Variants in TMEM170A observed in about 807,000 individuals in gnomAD.
TMEM170A encodes transmembrane protein 170.
A neutral mutation model predicts 12.8 loss-of-function variants in TMEM170A; 18 were observed. That is an observed-to-expected ratio of 1.41 (90% CI 0.97 to 2.09). The LOEUF (loss-of-function observed/expected upper bound fraction) is 2.09, where lower values mean the gene tolerates loss of function less well. Ranked by LOEUF, TMEM170A falls within the 30% of genes most tolerant of loss-of-function variation. TMEM170A has a pLI of 0.00. For synonymous variants in TMEM170A, 107 were observed against 76.2 expected (o/e 1.40, Z -2.11); for missense variants, 220 against 179.9 (o/e 1.22, Z -1.28).
chr16:75,451,252 T>C (rs1349835803), intron 2 of TMEM170A, among the ~76,000 whole-genome samples: 2 of 151,020 alleles, frequency 1.3e-5, no homozygotes, highest in Admixed American at 1.3e-4. Context: ...AAAAAATCAA[T>C]ACATTAAAAA....
At chr16:75,447,771 C>T (rs2079613741) in intron 2 of TMEM170A, 83 bp from the exon 3 acceptor site, 23 of 1,411,656 alleles carry the variant, frequency 1.6e-5, no homozygotes, top group Non-Finnish European at 2.2e-5. Context: ...TAAAATACTA[C>T]TGCGAGTAGA....
intron 1 of TMEM170A, among the ~76,000 whole-genome samples, chr16:75,463,217 T>C (rs1328463461): frequency 6.6e-6 from 1 of 152,186 alleles, no homozygotes; most frequent in Non-Finnish European, 1.5e-5. Context: ...GAAACAAAGA[T>C]TAATCTGGTC....
At chr16:75,451,942 CT>C (rs2079694861) in intron 1 of TMEM170A, 103 bp from the exon 2 acceptor site, 1 of 1,079,106 alleles carries the variant, frequency 9.3e-7, no homozygotes, top group Admixed American at 3.0e-5. Flanking sequence ...AACACCGTTT[CT>C]TTTTTCCTTT....
rs2079603086 is a variant in TMEM170A, at chr16:75,447,281, G to T, written c.*277C>A. The T allele has an allele frequency of 1.3e-5, 3 of 230,952 alleles. No individual in the cohort carries two copies. The highest frequency in any genetic ancestry group is 2.5e-5 in the Non-Finnish European group (3 of 120,616). 14.3% of individuals were successfully genotyped at this position (230,952 alleles called of 1,614,324 possible). On this transcript the variant is annotated 3_prime_UTR_variant, in exon 3 of 3. Coordinates refer to ENST00000561878, the MANE Select transcript of TMEM170A (RefSeq NM_145254.3). The stretch of plus-strand genomic sequence containing the variant: ...GCCACCCCAGAGACACTGTTGACTT[G>T]GCTTGGGTAAAGGTACACATGAAAA...
intron 1 of TMEM170A, among the ~76,000 whole-genome samples, chr16:75,459,559 A>G (rs1032951582): frequency 1.1e-4 from 17 of 151,740 alleles, no homozygotes; most frequent in Admixed American, 1.1e-3. Context: ...GGGGATTAAC[A>G]CTCTTATGTA....
intron 1 of TMEM170A, among the ~76,000 whole-genome samples, chr16:75,452,304 C>T (rs10871312): frequency 0.55 from 83,943 of 151,362 alleles, 23,583 homozygotes; most frequent in Admixed American, 0.65. Context: ...GGTCTCACTC[C>T]GTCACCCAGG....
chr16:75,457,211 G>C (rs766139311), intron 1 of TMEM170A, among the ~76,000 whole-genome samples: 2 of 152,142 alleles, frequency 1.3e-5, no homozygotes, highest in Non-Finnish European at 2.9e-5. Flanking sequence ...GGCACTGCTG[G>C]AGCCTGGCTT....
rs1434308940 is a variant in TMEM170A, at chr16:75,446,154, A to G, written c.*1404T>C. The G allele has an allele frequency of 6.6e-6, 1 of 150,514 alleles. No homozygotes were observed. The highest frequency in any genetic ancestry group is 2.5e-5 in the African/African-American group (1 of 40,788). The allele number at this position is 150,514 out of a possible 1,614,324, so 9.3% of individuals were successfully genotyped here. ...TGCACCACTGCACTCCAGCCTGGGCAACACAGTGAGGCTCCGTCTCATTTA... is the reference window on the plus strand; with the variant it reads ...TGCACCACTGCACTCCAGCCTGGGCGACACAGTGAGGCTCCGTCTCATTTA... On this transcript the variant is annotated 3_prime_UTR_variant, in exon 3 of 3. Transcript: ENST00000561878.
Position 75,464,614 on chromosome 16 carries a change from AC to A in TMEM170A, c.-15del. The A allele has an allele frequency of 6.3e-7, 1 of 1,576,964 alleles. No individual in the cohort carries two copies. The highest frequency in any genetic ancestry group is 1.8e-5 in the Admixed American group (1 of 54,534). On this transcript the variant is annotated 5_prime_UTR_variant, in exon 1 of 3. Coordinates refer to ENST00000561878, the MANE Select transcript of TMEM170A (RefSeq NM_145254.3). ...CTCGCGCTCCATCCCGTCGCCATTC[AC>A]CACAGAGAAATGAGGGACGAGCGCC...
chr16:75,451,797 A>G lies in TMEM170A; in HGVS notation c.176T>C (p.Leu59Pro). ...TAATCCAGCAGGGACATGAAAGAAG[A>G]GAGAAGACACCAGTGCCCACAGGAA... ...GVFLWALVSSLFFHVPAGLLA... is the reference protein window; with the variant it reads ...GVFLWALVSSPFFHVPAGLLA... The change falls in exon 2 of 3, where the codon CTC becomes CCC. Residue 59 changes from leucine to proline, a missense_variant. Transcript: ENST00000561878. The G allele has an allele frequency of 6.2e-7, 1 of 1,614,100 alleles. No homozygotes were observed. The highest frequency in any genetic ancestry group is 8.5e-7 in the Non-Finnish European group (1 of 1,180,020).
chr16:75,459,279 C>T (rs1358605760), intron 1 of TMEM170A, among the ~76,000 whole-genome samples: 3 of 152,180 alleles, frequency 2.0e-5, no homozygotes, highest in Non-Finnish European at 2.9e-5. Flanking sequence ...CTAGTGGATT[C>T]TGTATTAACA....
intron 1 of TMEM170A, among the ~76,000 whole-genome samples, chr16:75,456,197 T>C (rs774369506): frequency 1.3e-5 from 2 of 152,060 alleles, no homozygotes; most frequent in South Asian, 4.2e-4. Flanking sequence ...GAGCATATTC[T>C]GAACACTTCC....
At chr16:75,453,185 A>G (rs754121676) in intron 1 of TMEM170A, among the ~76,000 whole-genome samples, 1 of 152,176 alleles carries the variant, frequency 6.6e-6, no homozygotes, top group Non-Finnish European at 1.5e-5. Context: ...TGTAATCCCA[A>G]CACTTCAGGT....
At chr16:75,448,932 G>T (rs377499084) in intron 2 of TMEM170A, among the ~76,000 whole-genome samples, 1 of 152,052 alleles carries the variant, frequency 6.6e-6, no homozygotes, top group East Asian at 1.9e-4. Context: ...TGTAGTGAAC[G>T]TGCCTGTAAT....
chr16:75,447,112 A>T lies in TMEM170A; in HGVS notation c.*446T>A, dbSNP rs2151624797. The T allele has an allele frequency of 6.6e-6, 1 of 152,530 alleles. No homozygotes were observed. The highest frequency in any genetic ancestry group is 2.4e-5 in the African/African-American group (1 of 41,608). 9.4% of individuals were successfully genotyped at this position (152,530 alleles called of 1,614,324 possible). The stretch of plus-strand genomic sequence containing the variant: ...TTATTGTCACTAAGATGTAGCAAAG[A>T]AAAGAGTTTGCCAAATTTTAATCAA... On this transcript the variant is annotated 3_prime_UTR_variant, in exon 3 of 3. Coordinates refer to ENST00000561878, the MANE Select transcript of TMEM170A (RefSeq NM_145254.3).
chr16:75,449,882 C>T (rs759436919), intron 2 of TMEM170A, among the ~76,000 whole-genome samples: 16 of 151,576 alleles, frequency 1.1e-4, no homozygotes, highest in Non-Finnish European at 2.1e-4. Flanking sequence ...GATAATGAAG[C>T]GAAGAAAGGA....
intron 2 of TMEM170A, 128 bp downstream of exon 2, chr16:75,451,541 C>T: frequency 1.0e-6 from 1 of 962,184 alleles, no homozygotes; most frequent in Non-Finnish European, 1.6e-6. Flanking sequence ...CATAGGGAGA[C>T]CCTGTCTGGA....
At chr16:75,450,943 T>C (rs1448081201) in intron 2 of TMEM170A, among the ~76,000 whole-genome samples, 2 of 152,142 alleles carry the variant, frequency 1.3e-5, no homozygotes, top group Non-Finnish European at 2.9e-5. Context: ...ATTACAGTCA[T>C]GAGCCACTAC....
chr16:75,449,768 A>G (rs913412525), intron 2 of TMEM170A, among the ~76,000 whole-genome samples: 7 of 152,220 alleles, frequency 4.6e-5, no homozygotes, highest in African/African-American at 1.7e-4. Context: ...AACATCTGAA[A>G]GACATGTTTC....
Sources: gnomAD v4.1 joint callset for allele counts (sites outside exome capture counted in the v4.1 genomes callset) on GRCh38, gnomAD v4.1.1 for gene constraint, MANE v1.5 for transcripts, NCBI Gene and HGNC (gene_info 2026-07-23, HGNC 2026-07-21) for gene names.